The following PDE8B variants were observed in gnomAD, a reference collection of about 807,000 sequenced individuals.
PDE8B encodes phosphodiesterase 8B.
PDE8B carries 26 observed loss-of-function variants against 101.3 expected under a neutral mutation model. The observed-to-expected ratio is 0.26, with a 90% confidence interval of 0.19 to 0.36. The LOEUF is 0.36. Ranked by LOEUF, PDE8B falls within the 10% of genes least tolerant of loss-of-function variation. The probability of loss-of-function intolerance (pLI) is 1.00; values close to 1 mark genes in which losing one functional copy is unlikely to be tolerated. For synonymous variants in PDE8B, 424 were observed against 429.3 expected, an observed-to-expected ratio of 0.99 and a Z score of 0.15; for missense variants, 810 against 1,163.1, an observed-to-expected ratio of 0.70 and a Z score of 4.42.
the PDE8B span, among the ~76,000 whole-genome samples, chr5:77,169,851 G>A: frequency 6.6e-6 from 1 of 152,204 alleles, no homozygotes; most frequent in Non-Finnish European, 1.5e-5. Context: ...CCTGTGGATA[G>A]TGTGAGTGCT....
rs555181679 is a variant in PDE8B, at chr5:77,323,312, C to T, written c.400-2227C>T. On this transcript the variant is annotated intron_variant, in intron 2 of 21. Transcript: ENST00000264917. The stretch of plus-strand genomic sequence containing the variant: ...ACTCTGTGGCTGGAAATGTTAGGAG[C>T]TTCCTGGGCTGAAGAAGTTCAGACC... Among the ~76,000 whole-genome samples, 7 of 152,296 alleles carry T rather than the reference C, an allele frequency of 4.6e-5. No individual in the cohort carries two copies. The East Asian group carries it at 5.8e-4, about 13-fold the overall frequency.
chr5:77,375,652 C>CA (rs1785923156), intron 10 of PDE8B, among the ~76,000 whole-genome samples: 1 of 152,164 alleles, frequency 6.6e-6, no homozygotes, highest in African/African-American at 2.4e-5. Context: ...CCTGCTATCA[C>CA]AAAATGCCAC....
chr5:77,406,349 G>C (rs1050615293), intron 12 of PDE8B, among the ~76,000 whole-genome samples: 1 of 152,196 alleles, frequency 6.6e-6, no homozygotes, highest in Non-Finnish European at 1.5e-5. Context: ...CTAGAGACAA[G>C]ATGATAATTC....
chr5:77,345,436 A>C (rs757095943), intron 7 of PDE8B, among the ~76,000 whole-genome samples: 1 of 152,244 alleles, frequency 6.6e-6, no homozygotes, highest in Non-Finnish European at 1.5e-5. Flanking sequence ...CTGGGATTAC[A>C]GGTATGAGTC....
At chr5:77,346,551 A>G (rs1204679700) in intron 7 of PDE8B, among the ~76,000 whole-genome samples, 1 of 152,234 alleles carries the variant, frequency 6.6e-6, no homozygotes, top group African/African-American at 2.4e-5. Context: ...GAAAACCTGT[A>G]TCCTTGGGAG....
intron 10 of PDE8B, among the ~76,000 whole-genome samples, chr5:77,399,293 A>G (rs909441502): frequency 2.0e-5 from 3 of 152,388 alleles, no homozygotes; most frequent in African/African-American, 7.2e-5. Context: ...GGGGTTAATC[A>G]GAAGTCAACA....
Position 77,325,656 on chromosome 5 carries a change from C to A in PDE8B, c.517C>A (p.Leu173Ile). Reference protein sequence around the residue: ...RTPESALECFLDKHHEIIVID... With the variant: ...RTPESALECFIDKHHEIIVID... Reference sequence around the variant, plus strand: ...TCCAGAGTCAGCCCTTGAATGCTTTCTTGATAAGCATCATGAAATTATTGT... The same window carrying A: ...TCCAGAGTCAGCCCTTGAATGCTTTATTGATAAGCATCATGAAATTATTGT... Residue 173 changes from leucine (L) to isoleucine (I), a missense_variant, in exon 3 of 22, where the codon CTT becomes ATT. Leu to Ile is a conservative substitution (Grantham distance 5, BLOSUM62 2). This residue lies in a region of PDE8B where 251 missense variants were observed against 378.8 expected (regional missense o/e 0.66). Coordinates refer to ENST00000264917, the MANE Select transcript of PDE8B (RefSeq NM_003719.5). 1 of 1,613,346 alleles carries A rather than the reference C, an allele frequency of 6.2e-7. No homozygotes were observed. Among genetic ancestry groups the A allele is most frequent in the Non-Finnish European group, 8.5e-7 (1 of 1,179,300 alleles).
chr5:77,186,060 A>T, the PDE8B span, among the ~76,000 whole-genome samples: 1 of 152,224 alleles, frequency 6.6e-6, no homozygotes, highest in African/African-American at 2.4e-5. Flanking sequence ...ACTAGGTGTC[A>T]AAAATGGTGG....
the PDE8B span, chr5:77,105,922 G>A: frequency 6.2e-4 from 94 of 152,182 alleles, no homozygotes; most frequent in African/African-American, 2.0e-3. Flanking sequence ...TTCACCTAAT[G>A]GCTAATGAGG....
chr5:77,206,635 T>C (rs999938891), upstream of PDE8B, among the ~76,000 whole-genome samples: 18 of 152,022 alleles, frequency 1.2e-4, no homozygotes, highest in African/African-American at 4.4e-4. Context: ...CTCAGCAAGG[T>C]CGCCAGGATC....
the PDE8B span, among the ~76,000 whole-genome samples, chr5:77,101,669 C>T: frequency 2.5e-4 from 38 of 152,230 alleles, no homozygotes; most frequent in South Asian, 4.2e-4. Flanking sequence ...AGAATGATCT[C>T]GGTGGCAGGA....
intron 10 of PDE8B, among the ~76,000 whole-genome samples, chr5:77,355,738 C>G (rs746607936): frequency 6.6e-6 from 1 of 152,144 alleles, no homozygotes; most frequent in Non-Finnish European, 1.5e-5. Flanking sequence ...TGCATCTGCC[C>G]CCAATGTCAG....
At chr5:77,389,127 A>T (rs1789362830) in intron 10 of PDE8B, among the ~76,000 whole-genome samples, 1 of 152,024 alleles carries the variant, frequency 6.6e-6, no homozygotes. Flanking sequence ...TGAAAAAAAA[A>T]TCCTGCATCT....
chr5:77,092,981 T>C, the PDE8B span, among the ~76,000 whole-genome samples: 1 of 152,198 alleles, frequency 6.6e-6, no homozygotes, highest in African/African-American at 2.4e-5. Flanking sequence ...GACATGCAAT[T>C]ATGGAGCTGT....
chr5:77,116,936 C>T, the PDE8B span, among the ~76,000 whole-genome samples: 42 of 152,288 alleles, frequency 2.8e-4, no homozygotes, highest in Admixed American at 1.1e-3. Flanking sequence ...ACCACCACTG[C>T]CAGAGTAAGT....
intron 1 of PDE8B, among the ~76,000 whole-genome samples, chr5:77,247,472 C>T (rs1437696928): frequency 6.6e-6 from 1 of 152,202 alleles, no homozygotes; most frequent in Non-Finnish European, 1.5e-5. Context: ...CAACCATGAA[C>T]ATTAGTCCAG....
rs1369622946 is a variant in PDE8B, at chr5:77,426,926, G to A, written c.*372G>A. The A allele has an allele frequency of 3.3e-6, 1 of 300,774 alleles. No individual in the cohort carries two copies. Among genetic ancestry groups the A allele is most frequent in the Non-Finnish European group, 6.4e-6 (1 of 156,128 alleles). 18.6% of individuals were successfully genotyped at this position (300,774 alleles called of 1,614,324 possible). A position where few individuals can be genotyped will look rare whatever the true frequency, so the allele number is the denominator to read the frequency against. ...ATGGTGACTAAGTAGCTTAGCTAGTGATCAGCTCATCCTTTACCATAAAAG... is the reference window on the plus strand; with the variant it reads ...ATGGTGACTAAGTAGCTTAGCTAGTAATCAGCTCATCCTTTACCATAAAAG... On this transcript the variant is annotated 3_prime_UTR_variant, in exon 22 of 22. Coordinates refer to ENST00000264917, the MANE Select transcript of PDE8B (RefSeq NM_003719.5).
At chr5:77,208,493 G>A (rs1747686237), upstream of PDE8B, among the ~76,000 whole-genome samples, 1 of 152,164 alleles carries the variant, frequency 6.6e-6, no homozygotes, top group Non-Finnish European at 1.5e-5. Flanking sequence ...CTCTGATGTT[G>A]TTTTCCCAGG....
upstream of PDE8B, among the ~76,000 whole-genome samples, chr5:77,209,607 C>CA (rs1747834319): frequency 6.6e-6 from 1 of 152,166 alleles, no homozygotes; most frequent in African/African-American, 2.4e-5. Flanking sequence ...GGATGAACAG[C>CA]AGCCATCCTT....
Sources: allele counts gnomAD v4.1 joint callset (sites outside exome capture counted in the v4.1 genomes callset), GRCh38; gene constraint gnomAD v4.1.1; regional missense constraint gnomAD v4.1.1; transcripts MANE v1.5; gene names NCBI Gene and HGNC (gene_info 2026-07-23, HGNC 2026-07-21).